The following PTPRD variants were observed in gnomAD, a reference collection of about 807,000 sequenced individuals.
PTPRD encodes receptor-type tyrosine-protein phosphatase delta.
A neutral mutation model predicts 214.5 loss-of-function variants in PTPRD; 34 were observed. The ratio of observed to expected loss-of-function variants is 0.16; its 90% confidence interval spans 0.12 to 0.21. The LOEUF is 0.21. Among genes scored for constraint, PTPRD ranks in the 10% least tolerant of loss-of-function variants. The pLI, the probability that PTPRD is intolerant of heterozygous loss-of-function variation, is 1.00. For synonymous variants in PTPRD, 1,128 were observed against 845.7 expected (o/e 1.33, Z -5.79); for missense variants, 2,545 against 2,398.7 (o/e 1.06, Z -1.27).
At chr9:8,859,254 A>C (rs1566673060) in intron 11 of PTPRD, among the ~76,000 whole-genome samples, 1 of 152,216 alleles carries the variant, frequency 6.6e-6, no homozygotes, top group Non-Finnish European at 1.5e-5. Context: ...TCTGAAGGAC[A>C]CTATAACACC....
intron 2 of PTPRD, among the ~76,000 whole-genome samples, chr9:10,447,632 C>T (rs545861488): frequency 2.0e-5 from 3 of 151,830 alleles, no homozygotes; most frequent in Non-Finnish European, 4.4e-5. Flanking sequence ...TTTTTTATTT[C>T]TCAAATACAG....
chr9:9,648,034 A>G (rs1339290134), intron 7 of PTPRD, among the ~76,000 whole-genome samples: 1 of 152,004 alleles, frequency 6.6e-6, no homozygotes, highest in African/African-American at 2.4e-5. Context: ...TGTCTTTGCC[A>G]TTTTTCTGCT....
At chr9:9,359,410 T>G (rs552958413) in intron 9 of PTPRD, among the ~76,000 whole-genome samples, 3 of 151,422 alleles carry the variant, frequency 2.0e-5, no homozygotes, top group East Asian at 1.9e-4. Flanking sequence ...AAATGTCCCC[T>G]GATAAGAGGT....
At position 9,434,412 on chromosome 9, in the gene PTPRD, T is replaced by C. The variant is rs2084383977; in HGVS notation, c.-236-36930A>G. Reference sequence around the variant, plus strand: ...ATCCTGTGTTCATGCATTGGAAGAATGAATAATGTTAAAATGGCTACGCTG... The same window carrying C: ...ATCCTGTGTTCATGCATTGGAAGAACGAATAATGTTAAAATGGCTACGCTG... On this transcript the variant is annotated intron_variant, in intron 8 of 45. Transcript: ENST00000381196. 3.3e-5 allele frequency among the ~76,000 whole-genome samples: 5 copies of C among 152,256 alleles called. No individual in the cohort carries two copies. In the South Asian group the frequency reaches 1.0e-3, roughly 32 times the overall value.
intron 3 of PTPRD, among the ~76,000 whole-genome samples, chr9:10,340,411 C>CT (rs2096917036): frequency 6.6e-6 from 1 of 151,874 alleles, no homozygotes; most frequent in African/African-American, 2.4e-5. Context: ...TATCACACAG[C>CT]TGGCTATATC....
intron 3 of PTPRD, among the ~76,000 whole-genome samples, chr9:10,195,478 T>G (rs1215225442): frequency 6.6e-6 from 1 of 152,144 alleles, no homozygotes; most frequent in African/African-American, 2.4e-5. Context: ...AGAAATATCA[T>G]GTACCAGTTT....
At chr9:9,915,685 G>GA (rs961507106) in intron 5 of PTPRD, among the ~76,000 whole-genome samples, 281 of 147,096 alleles carry the variant, frequency 1.9e-3, no homozygotes, top group Middle Eastern at 7.2e-3. Context: ...AATGAACCAG[G>GA]AAAAAAAAAT....
intron 7 of PTPRD, among the ~76,000 whole-genome samples, chr9:9,649,866 T>C (rs2096288671): frequency 6.6e-6 from 1 of 152,244 alleles, no homozygotes; most frequent in South Asian, 2.1e-4. Context: ...TCTTTTCATT[T>C]TTCCTCATTT....
intron 2 of PTPRD, among the ~76,000 whole-genome samples, chr9:10,346,785 C>T (rs1391425705): frequency 6.6e-6 from 1 of 152,098 alleles, no homozygotes; most frequent in African/African-American, 2.4e-5. Flanking sequence ...AAAGTTTGCA[C>T]AGGTGTGGGT....
intron 8 of PTPRD, among the ~76,000 whole-genome samples, chr9:9,508,471 A>C (rs1222701316): frequency 6.6e-6 from 1 of 151,734 alleles, no homozygotes; most frequent in Non-Finnish European, 1.5e-5. Context: ...AATACAACCC[A>C]ACAACTTAGA....
Position 9,380,750 on chromosome 9 carries a change from C to T in PTPRD, c.-203+16699G>A, listed in dbSNP as rs1220142608. On this transcript the variant is annotated intron_variant, in intron 9 of 45. Transcript: ENST00000381196. ...ATGTACTTGCCGTTTTTCTACCTGACGTGTCTGACTATTTCTGATACAGGA... is the reference window on the plus strand; with the variant it reads ...ATGTACTTGCCGTTTTTCTACCTGATGTGTCTGACTATTTCTGATACAGGA... 2.5e-4 allele frequency among the ~76,000 whole-genome samples: 38 copies of T among 152,166 alleles called. 2 individuals are homozygous for T. The highest frequency in any genetic ancestry group is 2.0e-3 in the Admixed American group (31 of 15,264).
At chr9:9,436,089 T>C (rs1318508748) in intron 8 of PTPRD, among the ~76,000 whole-genome samples, 1 of 152,146 alleles carries the variant, frequency 6.6e-6, no homozygotes, top group East Asian at 1.9e-4. Context: ...TACCTAGAAA[T>C]GCAAGGGAAT....
rs368196827 is a variant in PTPRD at position 9,598,358 on chromosome 9, G to C, written c.-286-23577C>G. ...GATGTCGAGTAGGAGAGGGCAGAGA[G>C]AAGAAAAAGGAGAGGAAATCCTGCC... On this transcript the variant is annotated intron_variant, in intron 7 of 45. Coordinates refer to ENST00000381196, the MANE Select transcript of PTPRD (RefSeq NM_002839.4). 4.6e-5 allele frequency among the ~76,000 whole-genome samples: 7 copies of C among 151,910 alleles called. No individual in the cohort carries two copies. In the South Asian group the frequency reaches 1.5e-3, roughly 32 times the overall value.
chr9:8,490,769 T>C (rs1402373818), intron 27 of PTPRD, among the ~76,000 whole-genome samples: 1 of 152,222 alleles, frequency 6.6e-6, no homozygotes, highest in Non-Finnish European at 1.5e-5. Flanking sequence ...TTATGATCAG[T>C]ACTCGTTTCC....
chr9:10,079,327 G>A (rs1009190508), intron 3 of PTPRD, among the ~76,000 whole-genome samples: 2 of 152,074 alleles, frequency 1.3e-5, no homozygotes, highest in Non-Finnish European at 2.9e-5. Context: ...TGTTGGCCAC[G>A]TATGCAGGGA....
chr9:8,410,440 G>A (rs920584256), intron 35 of PTPRD, among the ~76,000 whole-genome samples: 3 of 152,138 alleles, frequency 2.0e-5, no homozygotes, highest in African/African-American at 7.2e-5. Context: ...CTAGTGTCAG[G>A]TGTGTGTCCT....
At chr9:10,475,325 A>G (rs866923810) in intron 2 of PTPRD, among the ~76,000 whole-genome samples, 12 of 152,176 alleles carry the variant, frequency 7.9e-5, no homozygotes, top group African/African-American at 2.4e-4. Context: ...TTCCACAGAA[A>G]TAGAAACTAC....
chr9:9,801,333 G>C (rs887134998), intron 5 of PTPRD, among the ~76,000 whole-genome samples: 3 of 85,390 alleles, frequency 3.5e-5, no homozygotes, highest in African/African-American at 9.3e-5. Context: ...AAGCTAAAGA[G>C]GATTAAAAAA....
At chr9:8,376,142 A>G in intron 38 of PTPRD, 52 bp from the exon 39 acceptor site, 1 of 1,596,534 alleles carries the variant, frequency 6.3e-7, no homozygotes, top group African/African-American at 1.3e-5. Flanking sequence ...CTCAGGTGGT[A>G]ATGATGAATA....
Sources: allele counts gnomAD v4.1 joint callset (sites outside exome capture counted in the v4.1 genomes callset), GRCh38; gene constraint gnomAD v4.1.1; transcripts MANE v1.5; gene names NCBI Gene and HGNC (gene_info 2026-07-23, HGNC 2026-07-21).